Variants in LMBRD2 observed in about 807,000 individuals in gnomAD.
LMBRD2 encodes LMBR1 domain containing 2.
A neutral mutation model predicts 94.4 loss-of-function variants in LMBRD2; 55 were observed. The observed-to-expected ratio is 0.58, with a 90% CI of 0.47 to 0.73. LMBRD2 has a LOEUF of 0.73. LMBRD2 is among the 30% of genes least tolerant of loss of function. LMBRD2 has a pLI of 0.00. For missense variants in LMBRD2, 640 were observed against 831.9 expected (o/e 0.77, Z 2.84); for synonymous variants, 246 against 272.4 (o/e 0.90, Z 0.95).
chr5:36,138,467 A>G (rs926672025), intron 4 of LMBRD2, among the ~76,000 whole-genome samples: 1 of 152,234 alleles, frequency 6.6e-6, no homozygotes, highest in Non-Finnish European at 1.5e-5. Context: ...CACAATGTAT[A>G]ATTCTATGCT....
chr5:36,147,919 T>C, intron 1 of LMBRD2: 1 of 423,530 alleles, frequency 2.4e-6, no homozygotes, highest in South Asian at 1.7e-5. Context: ...TAATGATTCA[T>C]CATTCTCAAA....
rs1491451301 is a variant in LMBRD2, at chr5:36,106,509, G to GGTTT, written c.1898-1313_1898-1312insAAAC. Among the ~76,000 whole-genome samples, 8 of 119,374 alleles carry GGTTT rather than the reference G, an allele frequency of 6.7e-5. 1 individual carries two copies. The highest frequency in any genetic ancestry group is 2.5e-4 in the African/African-American group (7 of 27,624). 78.3% of individuals were successfully genotyped at this position (119,374 alleles called of 152,430 possible). On this transcript the variant is annotated intron_variant, in intron 16 of 17. Coordinates refer to ENST00000296603, the MANE Select transcript of LMBRD2 (RefSeq NM_001007527.2). ...CAAAATCCCAACTTTTTTTTCTTTC[G>GGTTT]TTTTTTTTTTTTTTTTTTTTGATGG...
At chr5:36,108,252 T>G (rs890102754) in intron 16 of LMBRD2, among the ~76,000 whole-genome samples, 2 of 152,158 alleles carry the variant, frequency 1.3e-5, no homozygotes, top group Non-Finnish European at 2.9e-5. Context: ...AATAAACACC[T>G]GCCTAGAACA....
rs1744558544 is a variant in LMBRD2 at position 36,146,927 on chromosome 5, TGTGTGTGTGTGTGA to T, written c.-57-3535_-57-3522del. On this transcript the variant is annotated intron_variant, in intron 1 of 17. Transcript: ENST00000296603. ...TCACTCACTTCTCTCTCTGCGTGTG[TGTGTGTGTGTGTGA>T]GTGTGTGTGTGTGTGTGTGTGTGTG... Among the ~76,000 whole-genome samples, 5 of 118,952 alleles carry T rather than the reference TGTGTGTGTGTGTGA, an allele frequency of 4.2e-5. No homozygotes were observed. In the South Asian group the frequency reaches 7.9e-4, roughly 19 times the overall value. The allele number at this position is 118,952 out of a possible 152,430, so 78.0% of individuals were successfully genotyped here. A position where few individuals can be genotyped will look rare whatever the true frequency, so the allele number is the denominator to read the frequency against.
chr5:36,135,627 T>C (rs892503382), intron 6 of LMBRD2, among the ~76,000 whole-genome samples: 2 of 152,110 alleles, frequency 1.3e-5, no homozygotes, highest in Non-Finnish European at 2.9e-5. Flanking sequence ...ATTTGGAGAG[T>C]ATCATCAGCT....
At chr5:36,128,370 C>T (rs1039132404) in intron 6 of LMBRD2, among the ~76,000 whole-genome samples, 13 of 152,306 alleles carry the variant, frequency 8.5e-5, no homozygotes, top group African/African-American at 2.6e-4. Context: ...CAGACACCGA[C>T]GAACATCCAC....
In LMBRD2 at chr5:36,100,764, TATA is replaced by T; in HGVS notation, c.*3279_*3281del. On this transcript the variant is annotated 3_prime_UTR_variant, in exon 18 of 18. Coordinates refer to ENST00000296603, the MANE Select transcript of LMBRD2 (RefSeq NM_001007527.2). Reference sequence around the variant, plus strand: ...AACTCACCTTACTAAACAGGTGAATTATAATATGGAGAGTTTATTTTTTCTCTA... The same window carrying T: ...AACTCACCTTACTAAACAGGTGAATTATATGGAGAGTTTATTTTTTCTCTA... 3 of 152,212 alleles carry T rather than the reference TATA, an allele frequency of 2.0e-5. No individual in the cohort carries two copies. The Middle Eastern group carries it at 0.01, about 518-fold the overall frequency. The allele number at this position is 152,212 out of a possible 1,614,324, so 9.4% of individuals were successfully genotyped here. A position where few individuals can be genotyped will look rare whatever the true frequency, so the allele number is the denominator to read the frequency against.
At position 36,102,641 on chromosome 5, in the gene LMBRD2, A is replaced by T. The variant is rs1209771818; in HGVS notation, c.*1405T>A. On this transcript the variant is annotated 3_prime_UTR_variant, in exon 18 of 18. Coordinates refer to ENST00000296603, the MANE Select transcript of LMBRD2 (RefSeq NM_001007527.2). The stretch of plus-strand genomic sequence containing the variant: ...CAATATCTGCATAGAGCTGTGTTTT[A>T]AAAAAAAACTTACATGATAATATTT... The T allele has an allele frequency of 6.0e-5, 9 of 151,166 alleles. No individual in the cohort carries two copies. Among genetic ancestry groups the T allele is most frequent in the African/African-American group, 9.7e-5 (4 of 41,378 alleles). 9.4% of individuals were successfully genotyped at this position (151,166 alleles called of 1,614,324 possible).
rs373458700 is a variant in LMBRD2, at chr5:36,147,503, T to C, written c.-58+4053A>G. ...ATTCATTAAAACTACCAGATTTTAG[T>C]GCCCGATGTGTGGGCATATCGTACC... On this transcript the variant is annotated intron_variant, in intron 1 of 17. Coordinates refer to ENST00000296603, the MANE Select transcript of LMBRD2 (RefSeq NM_001007527.2). Among the ~76,000 whole-genome samples the C allele has an allele frequency of 1.3e-3, 196 of 152,326 alleles. 1 individual carries two copies. The highest frequency in any genetic ancestry group is 0.01 in the South Asian group (50 of 4,826).
At chr5:36,118,303 G>A (rs1161815824) in intron 9 of LMBRD2, among the ~76,000 whole-genome samples, 1 of 152,156 alleles carries the variant, frequency 6.6e-6, no homozygotes, top group Non-Finnish European at 1.5e-5. Flanking sequence ...TCAGATTAGA[G>A]GAAACTAAGG....
At chr5:36,116,221 G>T (rs905425455) in intron 11 of LMBRD2, among the ~76,000 whole-genome samples, 1 of 152,096 alleles carries the variant, frequency 6.6e-6, no homozygotes, top group Non-Finnish European at 1.5e-5. Context: ...GTAAATCCGG[G>T]CTCACTAAGT....
At chr5:36,135,029 A>AG (rs1195466089) in intron 6 of LMBRD2, among the ~76,000 whole-genome samples, 5 of 151,980 alleles carry the variant, frequency 3.3e-5, no homozygotes, top group African/African-American at 1.2e-4. Flanking sequence ...GAACACACCC[A>AG]CTCTCATTCA....
intron 8 of LMBRD2, 52 bp downstream of exon 8, chr5:36,122,796 A>G: frequency 6.5e-7 from 1 of 1,537,020 alleles, no homozygotes; most frequent in Non-Finnish European, 8.7e-7. Flanking sequence ...CAATGATTAG[A>G]AGTCTAATTA....
chr5:36,124,381 C>T (rs537900646), intron 6 of LMBRD2, 116 bp from the exon 7 acceptor site: 2 of 571,156 alleles, frequency 3.5e-6, no homozygotes, highest in African/African-American at 3.8e-5. Flanking sequence ...ACACAAATTA[C>T]TTTGCATTAC....
At chr5:36,141,441 C>T (rs1744407413) in intron 3 of LMBRD2, among the ~76,000 whole-genome samples, 1 of 152,106 alleles carries the variant, frequency 6.6e-6, no homozygotes, top group African/African-American at 2.4e-5. Context: ...TTTCAACTTT[C>T]AGTGTATTTT....
rs1427738095 is a variant in LMBRD2, at chr5:36,101,626, G to C, written c.*2420C>G. On this transcript the variant is annotated 3_prime_UTR_variant, in exon 18 of 18. Transcript: ENST00000296603. ...CCCCAGCAATAAACTGAGTCTTCCA[G>C]GGTCAAGTCATTGCCTTCTGAACTC... 2.0e-5 allele frequency: 3 copies of C among 151,790 alleles called. No individual in the cohort carries two copies. Among genetic ancestry groups the C allele is most frequent in the African/African-American group, 7.3e-5 (3 of 41,378 alleles). 9.4% of individuals were successfully genotyped at this position (151,790 alleles called of 1,614,324 possible). A position where few individuals can be genotyped will look rare whatever the true frequency, so the allele number is the denominator to read the frequency against.
At chr5:36,127,391 A>C (rs1314321288) in intron 6 of LMBRD2, among the ~76,000 whole-genome samples, 1 of 152,188 alleles carries the variant, frequency 6.6e-6, no homozygotes, top group Non-Finnish European at 1.5e-5. Flanking sequence ...TCCACACAAA[A>C]AAGTGCCTTC....
intron 6 of LMBRD2, among the ~76,000 whole-genome samples, chr5:36,125,934 T>A (rs1025549401): frequency 6.6e-6 from 1 of 152,056 alleles, no homozygotes; most frequent in African/African-American, 2.4e-5. Context: ...ACAGGACACA[T>A]AAAGGCCTCC....
intron 7 of LMBRD2, 44 bp downstream of exon 7, chr5:36,124,147 T>G: frequency 9.1e-7 from 1 of 1,104,232 alleles, no homozygotes; most frequent in Non-Finnish European, 1.4e-6. Flanking sequence ...TAATATTATA[T>G]AAGTGTATAT....
Sources: gnomAD v4.1 joint callset for allele counts (sites outside exome capture counted in the v4.1 genomes callset) on GRCh38, gnomAD v4.1.1 for gene constraint, MANE v1.5 for transcripts, NCBI Gene and HGNC (gene_info 2026-07-23, HGNC 2026-07-21) for gene names.